Variants in BANP observed in about 807,000 individuals in gnomAD.
BANP encodes BTG3 associated nuclear protein, also known as protein BANP.
In BANP, 11 loss-of-function variants were observed where a neutral mutation model predicts 68.1. The observed-to-expected ratio is 0.16, with a 90% CI of 0.10 to 0.27. BANP has a LOEUF of 0.27. BANP is among the 10% of genes least tolerant of loss of function. BANP has a pLI of 1.00. For synonymous variants in BANP, 329 were observed against 303.2 expected, an observed-to-expected ratio of 1.09 and a Z score of -0.88; for missense variants, 504 against 722.7, an observed-to-expected ratio of 0.70 and a Z score of 3.47.
Position 88,031,431 on chromosome 16 carries a change from G to T in BANP, c.1064-1678G>T, listed in dbSNP as rs186542923. The stretch of plus-strand genomic sequence containing the variant: ...GGCTGAGGCAGGCGGATCATTTGAG[G>T]TCAGGAGTTCAAAACCAGCCTGGCC... On this transcript the variant is annotated intron_variant, in intron 8 of 13. Transcript: ENST00000682872. 6.2e-3 allele frequency among the ~76,000 whole-genome samples: 946 copies of T among 152,110 alleles called. 31 individuals carry two copies. The highest frequency in any genetic ancestry group is 0.057 in the Admixed American group (877 of 15,276).
intron 1 of BANP, among the ~76,000 whole-genome samples, chr16:87,955,595 C>T (rs150980024): frequency 6.4e-4 from 97 of 152,320 alleles, no homozygotes; most frequent in African/African-American, 2.0e-3. Flanking sequence ...CGGGACCCCA[C>T]ACTGGTGCGT....
chr16:87,978,020 G>C (rs1382074735), intron 2 of BANP, among the ~76,000 whole-genome samples: 1 of 152,192 alleles, frequency 6.6e-6, no homozygotes, highest in East Asian at 1.9e-4. Context: ...ATTTTCAGTA[G>C]AGACGGGGTT....
chr16:88,010,692 G>A (rs1200759701), intron 6 of BANP, among the ~76,000 whole-genome samples: 6 of 152,232 alleles, frequency 3.9e-5, no homozygotes, highest in Admixed American at 1.3e-4. Flanking sequence ...ATGTAGCCAC[G>A]CTGTGCTGTG....
At chr16:88,060,321 C>A (rs2152868570) in intron 11 of BANP, among the ~76,000 whole-genome samples, 1 of 152,358 alleles carries the variant, frequency 6.6e-6, no homozygotes, top group South Asian at 2.1e-4. Context: ...CTGGTCACTC[C>A]TCCACTTGGA....
chr16:88,023,086 G>A (rs1396966999), intron 7 of BANP, among the ~76,000 whole-genome samples: 4 of 152,214 alleles, frequency 2.6e-5, no homozygotes, highest in Non-Finnish European at 5.9e-5. Flanking sequence ...GTGTCCTTAA[G>A]GCAGAATGTG....
In BANP at chr16:88,018,128, G is replaced by A. The variant is rs1028173934; in HGVS notation, c.656-300G>A. ...AGGATATCGGTATTGCTGGGGTCCC[G>A]GGTCCAGGGTGAGCAGAGTGTGTGA... On this transcript the variant is annotated intron_variant, in intron 6 of 13. Transcript: ENST00000682872. This position sits in a 1 kb window ranked among gnomAD's most constrained non-coding sequence, Gnocchi z 7.7. 1.5e-4 allele frequency among the ~76,000 whole-genome samples: 23 copies of A among 152,082 alleles called. No homozygotes were observed. The highest frequency in any genetic ancestry group is 4.6e-4 in the African/African-American group (19 of 41,398).
intron 4 of BANP, among the ~76,000 whole-genome samples, chr16:87,992,133 T>C (rs2066013793): frequency 6.6e-6 from 1 of 152,256 alleles, no homozygotes; most frequent in Admixed American, 6.5e-5. Context: ...ATGGTGATCC[T>C]TCTTGATTCT....
chr16:87,988,497 C>A (rs1474908973), intron 4 of BANP, among the ~76,000 whole-genome samples: 2 of 152,022 alleles, frequency 1.3e-5, no homozygotes, highest in Admixed American at 1.3e-4. Context: ...AAACTCCTGA[C>A]CTCATGATCC....
intron 12 of BANP, among the ~76,000 whole-genome samples, chr16:88,070,547 G>A (rs914920383): frequency 6.6e-6 from 1 of 152,166 alleles, no homozygotes; most frequent in African/African-American, 2.4e-5. Flanking sequence ...TGGTGTGCTC[G>A]CAAGTCGTGG....
At chr16:87,976,294 T>A (rs1285699820) in intron 2 of BANP, among the ~76,000 whole-genome samples, 1 of 152,180 alleles carries the variant, frequency 6.6e-6, no homozygotes, top group Non-Finnish European at 1.5e-5. Flanking sequence ...AGAACAAGTT[T>A]TTTCTACACC....
intron 10 of BANP, chr16:88,037,681 C>G: frequency 2.3e-6 from 1 of 433,740 alleles, no homozygotes; most frequent in East Asian, 4.6e-5. Flanking sequence ...GAGTCAGATT[C>G]TTTCAAAATA....
In BANP at chr16:87,984,120, T is replaced by C. The variant is rs762825512; in HGVS notation, c.223T>C (p.Leu75=). 7.4e-6 allele frequency: 12 copies of C among 1,613,450 alleles called. No individual in the cohort carries two copies. Among genetic ancestry groups the C allele is most frequent in the East Asian group, 2.2e-5 (1 of 44,886 alleles). ...GCGGTTGGATAGCATTGAAGCCAAA[T>C]TGCAAGCCCTGGAGGCTACTTGTAA... is the stretch of plus-strand genomic sequence containing the variant. ...CLRLDSIEAK[L]QALEATCKSL... Residue 75 remains leucine, a synonymous_variant, in exon 4 of 14, where the codon TTG becomes CTG. Transcript: ENST00000682872.
At chr16:88,059,296 G>A (rs1900075567) in intron 11 of BANP, among the ~76,000 whole-genome samples, 1 of 151,842 alleles carries the variant, frequency 6.6e-6, no homozygotes, top group South Asian at 2.1e-4. Flanking sequence ...AGGGGGCACT[G>A]CCTTCCCTCT....
intron 11 of BANP, among the ~76,000 whole-genome samples, chr16:88,056,449 C>T (rs2085043123): frequency 7.1e-6 from 1 of 140,056 alleles, no homozygotes; most frequent in Non-Finnish European, 1.6e-5. Context: ...GGCTGGGAAG[C>T]GTATTCTCTC....
chr16:88,015,081 TCTGCCTGTCC>T, intron 6 of BANP, among the ~76,000 whole-genome samples: 1 of 134,232 alleles, frequency 7.4e-6, no homozygotes, highest in Non-Finnish European at 1.6e-5. Context: ...GCTCGTCTCC[TCTGCCTGTCC>T]CCTCTGCCCG....
intron 4 of BANP, among the ~76,000 whole-genome samples, chr16:87,988,637 G>C (rs1255439869): frequency 6.6e-6 from 1 of 152,172 alleles, no homozygotes; most frequent in Non-Finnish European, 1.5e-5. Flanking sequence ...ATCATATGCT[G>C]TTAAAATAGC....
At chr16:88,015,971 G>T (rs7500954) in intron 6 of BANP, among the ~76,000 whole-genome samples, 142,386 of 152,280 alleles carry the variant, frequency 0.94, 67,328 homozygotes, top group East Asian at 1. Context: ...TCTGGGTTTG[G>T]GAGTCCGGGG....
chr16:88,025,941 A>G (rs2076903162), intron 7 of BANP, among the ~76,000 whole-genome samples: 1 of 152,238 alleles, frequency 6.6e-6, no homozygotes, highest in African/African-American at 2.4e-5. Flanking sequence ...ACTGCATTGA[A>G]GAGCCCTTCC....
Position 87,981,114 on chromosome 16 carries a change from A to T in BANP, c.149A>T (p.Asp50Val). The change falls in exon 3 of 14, where the codon GAT becomes GTT. Residue 50 changes from aspartate to valine, a missense_variant. Transcript: ENST00000682872. ...KRQRLEINCQ[D>V]PSIKSFLYSI... is the part of the protein sequence containing the mutation. ...CAGCGACTAGAAATCAATTGCCAGG[A>T]TCCATCTATAAAGGTAAAAATCTGA... 6.2e-7 allele frequency: 1 copy of T among 1,613,896 alleles called. No individual in the cohort carries two copies. The highest frequency in any genetic ancestry group is 8.5e-7 in the Non-Finnish European group (1 of 1,179,798).
Sources: gnomAD v4.1 joint callset for allele counts (sites outside exome capture counted in the v4.1 genomes callset) on GRCh38, gnomAD v4.1.1 for gene constraint, Gnocchi (gnomAD v3.1) non-coding constraint, MANE v1.5 for transcripts, NCBI Gene and HGNC (gene_info 2026-07-23, HGNC 2026-07-21) for gene names.